PHF12: variants seen among roughly 807,000 people sequenced by gnomAD.
PHF12 encodes the protein PHD finger protein 12.
A neutral mutation model predicts 99.8 loss-of-function variants in PHF12; 6 were observed. That is an observed-to-expected ratio of 0.06 (90% CI 0.03 to 0.12). The LOEUF (loss-of-function observed/expected upper bound fraction) is 0.12, where lower values mean the gene tolerates loss of function less well. PHF12 is among the 10% of genes least tolerant of loss of function. The probability of loss-of-function intolerance (pLI) is 1.00; values close to 1 mark genes in which losing one functional copy is unlikely to be tolerated. For missense variants in PHF12, 954 were observed against 1,300.1 expected, an observed-to-expected ratio of 0.73 and a Z score of 4.09; for synonymous variants, 480 against 514.9, an observed-to-expected ratio of 0.93 and a Z score of 0.92.
intron 3 of PHF12, chr17:28,924,897 A>G: frequency 6.5e-6 from 1 of 154,154 alleles, no homozygotes; most frequent in South Asian, 1.9e-4. Context: ...ATTGCAGTGA[A>G]CTGAGATTGC....
chr17:28,921,690 G>T lies in PHF12; in HGVS notation c.834C>A (p.Asn278Lys), dbSNP rs1404312081. Reference sequence around the variant, plus strand: ...CCCCTTAGTATGAAAGAAAATACCTGTTACACGTGAAGCAGACTTTGACGG... The same window carrying T: ...CCCCTTAGTATGAAAGAAAATACCTTTTACACGTGAAGCAGACTTTGACGG... The part of the protein sequence containing the change: ...PLPVKVCFTC[N>K]RSCRVAPLIQ... Residue 278 changes from asparagine (N) to lysine (K), a missense_variant and splice_region_variant, in exon 5 of 15, where the codon AAC becomes AAA. Physicochemically the swap from Asn to Lys is moderately conservative, Grantham distance 94. Coordinates refer to ENST00000332830, the MANE Select transcript of PHF12 (RefSeq NM_001033561.2). 2 of 1,613,792 alleles carry T rather than the reference G, an allele frequency of 1.2e-6. No individual in the cohort carries two copies. Among genetic ancestry groups the T allele is most frequent in the African/African-American group, 1.3e-5 (1 of 74,920 alleles).
At chr17:28,934,110 G>A (rs1598151790) in intron 2 of PHF12, among the ~76,000 whole-genome samples, 1 of 152,312 alleles carries the variant, frequency 6.6e-6, no homozygotes, top group Admixed American at 6.5e-5. Flanking sequence ...ATTATTGGAT[G>A]TTTATTTTAG....
chr17:28,920,546 A>G (rs180818600), intron 5 of PHF12, among the ~76,000 whole-genome samples: 1 of 152,266 alleles, frequency 6.6e-6, no homozygotes, highest in Non-Finnish European at 1.5e-5. Context: ...TTTAAGTCCA[A>G]CTCCTCTTGT....
intron 12 of PHF12, 53 bp from the exon 13 acceptor site, chr17:28,907,725 T>G (rs887638822): frequency 1.2e-5 from 18 of 1,559,416 alleles, no homozygotes; most frequent in Admixed American, 3.3e-5. Context: ...GATTGTAAGG[T>G]GCATGTGTCG....
At chr17:28,945,106 A>T (rs1200004680) in intron 2 of PHF12, 2 of 152,178 alleles carry the variant, frequency 1.3e-5, no homozygotes, top group African/African-American at 2.4e-5. Context: ...AAAAACATTT[A>T]AAAAATTAGC....
At chr17:28,929,370 G>A (rs2040353956) in intron 2 of PHF12, among the ~76,000 whole-genome samples, 1 of 151,864 alleles carries the variant, frequency 6.6e-6, no homozygotes, top group Non-Finnish European at 1.5e-5. Context: ...AGCCTCCTGA[G>A]TAGCTAGGAT....
At chr17:28,943,011 T>C (rs139218423) in intron 2 of PHF12, among the ~76,000 whole-genome samples, 118 of 152,162 alleles carry the variant, frequency 7.8e-4, no homozygotes, top group Non-Finnish European at 1.4e-3. Context: ...AAAATCTTAA[T>C]AGAGATCTCT....
rs1598112335 is a variant in PHF12, at chr17:28,905,979, A to G, written c.*204T>C. 3 of 558,446 alleles carry G rather than the reference A, an allele frequency of 5.4e-6. No homozygotes were observed. Among genetic ancestry groups the G allele is most frequent in the East Asian group, 6.2e-5 (2 of 32,402 alleles). The allele number at this position is 558,446 out of a possible 1,614,324, so 34.6% of individuals were successfully genotyped here. A position where few individuals can be genotyped will look rare whatever the true frequency, so the allele number is the denominator to read the frequency against. On this transcript the variant is annotated 3_prime_UTR_variant, in exon 15 of 15. Coordinates refer to ENST00000332830, the MANE Select transcript of PHF12 (RefSeq NM_001033561.2). Reference sequence around the variant, plus strand: ...TTCCCATGAAATGTTGAGTACAAATATATGTGCAAATGCCCCCTAGAACTT... The same window carrying G: ...TTCCCATGAAATGTTGAGTACAAATGTATGTGCAAATGCCCCCTAGAACTT...
chr17:28,941,545 T>G (rs918927090), intron 2 of PHF12, among the ~76,000 whole-genome samples: 7 of 152,158 alleles, frequency 4.6e-5, no homozygotes, highest in Non-Finnish European at 8.8e-5. Context: ...TTAACTGGGC[T>G]CAAAAGACAG....
chr17:28,916,934 C>T (rs928995943), intron 7 of PHF12, among the ~76,000 whole-genome samples: 1 of 152,212 alleles, frequency 6.6e-6, no homozygotes, highest in Admixed American at 6.5e-5. Context: ...CCCACCTTTA[C>T]TTTGCCTCTT....
chr17:28,906,118 G>A lies in PHF12; in HGVS notation c.*65C>T. ...TAGAAAACACCCGGGCTTGGTTTGT[G>A]TACATTTTTGCATTGCAGGAGTCTT... On this transcript the variant is annotated 3_prime_UTR_variant, in exon 15 of 15. Transcript: ENST00000332830. The surrounding 1 kb of genome is among the most constrained non-coding windows in gnomAD (Gnocchi z 4.2). The A allele has an allele frequency of 1.3e-6, 2 of 1,485,894 alleles. No homozygotes were observed. Among genetic ancestry groups the A allele is most frequent in the South Asian group, 2.6e-5 (2 of 75,700 alleles). 92.0% of individuals were successfully genotyped at this position (1,485,894 alleles called of 1,614,324 possible).
rs758419622 is a variant in PHF12 at position 28,913,968 on chromosome 17, C to T, written c.1204G>A (p.Gly402Arg). 5.6e-6 allele frequency: 9 copies of T among 1,613,756 alleles called. No individual in the cohort carries two copies. The highest frequency in any genetic ancestry group is 2.2e-5 in the East Asian group (1 of 44,884). ...PLIAPAAIRD[G>R]ELICNGIPEE... ...GGGATCCCATTGCAGATCAGCTCCCCGTCCCGAATGGCCGCGGGTGCAATG... is the reference window on the plus strand; with the variant it reads ...GGGATCCCATTGCAGATCAGCTCCCTGTCCCGAATGGCCGCGGGTGCAATG... The change falls in exon 8 of 15, where the codon GGG becomes AGG. Residue 402 changes from glycine (G) to arginine (R), a missense_variant. Transcript: ENST00000332830.
intron 2 of PHF12, among the ~76,000 whole-genome samples, chr17:28,944,258 C>A (rs1215643073): frequency 6.6e-6 from 1 of 152,198 alleles, no homozygotes; most frequent in Admixed American, 6.5e-5. Flanking sequence ...GATGAGATTA[C>A]AACTGCATCC....
chr17:28,913,772 G>A (rs2040011246), intron 8 of PHF12, 107 bp downstream of exon 8: 3 of 1,444,060 alleles, frequency 2.1e-6, no homozygotes, highest in Admixed American at 2.1e-5. Context: ...TTAGGATGAG[G>A]GTGGGTGGGG....
chr17:28,909,279 T>C (rs915735014), intron 11 of PHF12: 2 of 181,454 alleles, frequency 1.1e-5, no homozygotes, highest in African/African-American at 4.7e-5. Context: ...GAAATGCAGA[T>C]TCTGATTCAA....
chr17:28,914,985 T>C (rs1319537142), intron 7 of PHF12, among the ~76,000 whole-genome samples: 2 of 152,196 alleles, frequency 1.3e-5, no homozygotes, highest in African/African-American at 4.8e-5. Flanking sequence ...GAGCTCACAG[T>C]CTAGTGGGGA....
chr17:28,949,957 G>C lies in PHF12; in HGVS notation c.248+108C>G. The C allele has an allele frequency of 7.6e-7, 1 of 1,308,464 alleles. No homozygotes were observed. The highest frequency in any genetic ancestry group is 1.0e-6 in the Non-Finnish European group (1 of 961,772). The allele number at this position is 1,308,464 out of a possible 1,614,324, so 81.1% of individuals were successfully genotyped here. On this transcript the variant is annotated intron_variant, in intron 2 of 14. Coordinates refer to ENST00000332830, the MANE Select transcript of PHF12 (RefSeq NM_001033561.2). The surrounding 1 kb of genome is among the most constrained non-coding windows in gnomAD (Gnocchi z 4.6). ...TCGCCCCGGCAGCTGCAGAAAGTCAGCTAGCGGCTGCAAGCGCCCGTTATT... is the reference window on the plus strand; with the variant it reads ...TCGCCCCGGCAGCTGCAGAAAGTCACCTAGCGGCTGCAAGCGCCCGTTATT...
chr17:28,927,139 T>A, intron 2 of PHF12, 76 bp from the exon 3 acceptor site: 2 of 1,388,184 alleles, frequency 1.4e-6, no homozygotes. Flanking sequence ...TAGGTTTGCA[T>A]GTTCCTAAAC....
chr17:28,907,320 C>G, intron 13 of PHF12: 2 of 534,058 alleles, frequency 3.7e-6, no homozygotes, highest in Non-Finnish European at 6.7e-6. Flanking sequence ...CTATGCTGGT[C>G]CCCTCCCTTG....
Sources: allele counts gnomAD v4.1 joint callset (sites outside exome capture counted in the v4.1 genomes callset), GRCh38; gene constraint gnomAD v4.1.1; non-coding constraint Gnocchi (gnomAD v3.1); transcripts MANE v1.5; gene names NCBI Gene and HGNC (gene_info 2026-07-23, HGNC 2026-07-21).